ATG5: variants seen among roughly 807,000 people sequenced by gnomAD.
The protein encoded by ATG5 is autophagy protein 5.
A neutral mutation model predicts 36.5 loss-of-function variants in ATG5; 14 were observed. The observed-to-expected ratio is 0.38, with a 90% CI of 0.25 to 0.60. ATG5 has a LOEUF of 0.60. Among genes scored for constraint, ATG5 ranks in the 20% least tolerant of loss-of-function variants. The probability of loss-of-function intolerance (pLI) is 0.60; values close to 1 mark genes in which losing one functional copy is unlikely to be tolerated. For synonymous variants in ATG5, 95 were observed against 101.5 expected (o/e 0.94, Z 0.38); for missense variants, 195 against 326.7 (o/e 0.60, Z 3.11).
At chr6:106,254,912 C>G (rs1778740026) in intron 5 of ATG5, among the ~76,000 whole-genome samples, 3 of 152,240 alleles carry the variant, frequency 2.0e-5, no homozygotes, top group African/African-American at 7.2e-5. Flanking sequence ...TGCAATTGAG[C>G]AGCCTTTGCT....
At position 106,325,583 on chromosome 6, in the gene ATG5, TTCCGCGC is replaced by T. The variant is rs1771261393; in HGVS notation, c.-123_-117del. 2 of 152,922 alleles carry T rather than the reference TTCCGCGC, an allele frequency of 1.3e-5. No homozygotes were observed. The allele number at this position is 152,922 out of a possible 1,614,324, so 9.5% of individuals were successfully genotyped here. ...CCCCGCACTGGTGGGGACGCCCAGA[TTCCGCGC>T]TCCGGTGGGGCGGCGGGGCAAGCTG... On this transcript the variant is annotated 5_prime_UTR_variant, in exon 1 of 8. Transcript: ENST00000369076.
At chr6:106,271,020 C>G (rs1779432752) in intron 5 of ATG5, among the ~76,000 whole-genome samples, 1 of 152,204 alleles carries the variant, frequency 6.6e-6, no homozygotes, top group Non-Finnish European at 1.5e-5. Flanking sequence ...CACTTTCATT[C>G]TGGACTCCTA....
intron 6 of ATG5, among the ~76,000 whole-genome samples, chr6:106,207,009 A>T (rs1418358536): frequency 6.6e-6 from 1 of 152,258 alleles, no homozygotes; most frequent in African/African-American, 2.4e-5. Context: ...TGCAAACAGG[A>T]ATATACCACA....
At chr6:106,270,899 C>T (rs895071051) in intron 5 of ATG5, among the ~76,000 whole-genome samples, 2 of 152,180 alleles carry the variant, frequency 1.3e-5, no homozygotes, top group African/African-American at 4.8e-5. Context: ...TAACAACAGG[C>T]TCTGCCAATC....
intron 6 of ATG5, among the ~76,000 whole-genome samples, chr6:106,219,542 T>C (rs1398944015): frequency 6.6e-6 from 1 of 152,182 alleles, no homozygotes; most frequent in Admixed American, 6.5e-5. Context: ...ATTTTCACAG[T>C]GTGTACATGT....
At chr6:106,282,739 CTT>C (rs1779927776) in intron 4 of ATG5, among the ~76,000 whole-genome samples, 1 of 152,108 alleles carries the variant, frequency 6.6e-6, no homozygotes, top group Admixed American at 6.5e-5. Context: ...CCATGAATGA[CTT>C]TTTCTGTATC....
chr6:106,284,643 C>T (rs1780005601), intron 4 of ATG5, among the ~76,000 whole-genome samples: 1 of 152,134 alleles, frequency 6.6e-6, no homozygotes, highest in Non-Finnish European at 1.5e-5. Flanking sequence ...GCATGAGCCA[C>T]CACACCCAGC....
intron 5 of ATG5, among the ~76,000 whole-genome samples, chr6:106,252,488 T>A (rs559912212): frequency 4.6e-5 from 7 of 152,302 alleles, no homozygotes; most frequent in African/African-American, 7.2e-5. Context: ...ATTTTTTTTT[T>A]AATTTCAGAG....
chr6:106,258,356 G>C (rs1405207419), intron 5 of ATG5, among the ~76,000 whole-genome samples: 2 of 151,842 alleles, frequency 1.3e-5, no homozygotes, highest in Admixed American at 6.6e-5. Flanking sequence ...CTGGGTGACA[G>C]AGCAAGGAGG....
chr6:106,232,776 C>G (rs559249059), intron 6 of ATG5, among the ~76,000 whole-genome samples: 1 of 152,298 alleles, frequency 6.6e-6, no homozygotes, highest in South Asian at 2.1e-4. Flanking sequence ...CTATACCTAG[C>G]TGTACCTAAC....
At chr6:106,240,577 A>T (rs192440337) in intron 6 of ATG5, among the ~76,000 whole-genome samples, 52 of 151,968 alleles carry the variant, frequency 3.4e-4, no homozygotes, top group African/African-American at 1.2e-3. Flanking sequence ...ATAATGCCCT[A>T]TTGCTGGTGG....
intron 1 of ATG5, among the ~76,000 whole-genome samples, chr6:106,317,135 A>T (rs1770882328): frequency 6.6e-6 from 1 of 152,212 alleles, no homozygotes; most frequent in Non-Finnish European, 1.5e-5. Flanking sequence ...TTCCAATGCT[A>T]ATATTCTGCA....
intron 6 of ATG5, among the ~76,000 whole-genome samples, chr6:106,243,760 G>A (rs896120439): frequency 1.6e-4 from 24 of 151,964 alleles, no homozygotes; most frequent in African/African-American, 5.8e-4. Flanking sequence ...GAACCCAAGA[G>A]GCGGAGGTTT....
intron 6 of ATG5, among the ~76,000 whole-genome samples, chr6:106,233,244 A>G (rs780165456): frequency 1.1e-4 from 16 of 152,334 alleles, no homozygotes; most frequent in South Asian, 2.1e-4. Context: ...GCTTATCCTC[A>G]TCCCAAAACC....
At chr6:106,302,811 CA>C (rs1048897416) in intron 3 of ATG5, among the ~76,000 whole-genome samples, 1 of 151,636 alleles carries the variant, frequency 6.6e-6, no homozygotes, top group African/African-American at 2.4e-5. Context: ...AAGAAAGCCT[CA>C]AAAGAAAATT....
intron 6 of ATG5, among the ~76,000 whole-genome samples, chr6:106,238,872 C>T (rs371554631): frequency 4.0e-5 from 6 of 151,858 alleles, no homozygotes; most frequent in African/African-American, 7.2e-5. Flanking sequence ...GGAAGGTCAA[C>T]GTTATGGAAT....
rs141346961 is a variant in ATG5, at chr6:106,298,714, G to A, written c.237-5608C>T. ...TTGTCAAATTCCATAATTAACATGC[G>A]GTTCAATACAAATTTTTATGTTAGA... On this transcript the variant is annotated intron_variant, in intron 3 of 7. Transcript: ENST00000369076. 3.3e-3 allele frequency among the ~76,000 whole-genome samples: 498 copies of A among 152,048 alleles called. 7 individuals carry two copies. The highest frequency in any genetic ancestry group is 0.016 in the East Asian group (82 of 5,180).
chr6:106,198,957 A>C (rs79386600), intron 7 of ATG5, among the ~76,000 whole-genome samples: 3,746 of 152,006 alleles, frequency 0.025, 65 homozygotes, highest in African/African-American at 0.05. Context: ...TTGAATAGAC[A>C]CTTCATCAAA....
At chr6:106,238,291 T>A (rs563466604) in intron 6 of ATG5, among the ~76,000 whole-genome samples, 1 of 152,330 alleles carries the variant, frequency 6.6e-6, no homozygotes, top group Admixed American at 6.5e-5. Flanking sequence ...GAACAAATCA[T>A]ACTTTTAAGC....
Sources: allele counts gnomAD v4.1 joint callset (sites outside exome capture counted in the v4.1 genomes callset), GRCh38; gene constraint gnomAD v4.1.1; transcripts MANE v1.5; gene names NCBI Gene and HGNC (gene_info 2026-07-23, HGNC 2026-07-21).